CYP7B1: variants seen among roughly 807,000 people sequenced by gnomAD.
CYP7B1 encodes cytochrome P450 family 7 subfamily B member 1.
A neutral mutation model predicts 42.7 loss-of-function variants in CYP7B1; 29 were observed. The ratio of observed to expected loss-of-function variants is 0.68; its 90% CI spans 0.51 to 0.93. The LOEUF (loss-of-function observed/expected upper bound fraction) is 0.93. CYP7B1 is among the 40% of genes least tolerant of loss of function. The probability of loss-of-function intolerance (pLI) is 0.00; values close to 1 mark genes in which losing one functional copy is unlikely to be tolerated. For missense variants in CYP7B1, 655 were observed against 600.5 expected (o/e 1.09, Z -0.95); for synonymous variants, 235 against 218.2 (o/e 1.08, Z -0.68).
chr8:64,658,636 A>G (rs984602716), intron 1 of CYP7B1, among the ~76,000 whole-genome samples: 3 of 152,146 alleles, frequency 2.0e-5, no homozygotes, highest in Non-Finnish European at 4.4e-5. Context: ...TTTTGTGGTC[A>G]TGTTCCCTGG....
chr8:64,656,921 C>T (rs1042233545), intron 1 of CYP7B1, among the ~76,000 whole-genome samples: 3 of 152,122 alleles, frequency 2.0e-5, no homozygotes, highest in African/African-American at 7.2e-5. Flanking sequence ...AAAACCCAAA[C>T]AGTGATAACA....
chr8:64,602,343 G>A (rs940063025), intron 5 of CYP7B1, among the ~76,000 whole-genome samples: 2 of 152,182 alleles, frequency 1.3e-5, no homozygotes, highest in African/African-American at 4.8e-5. Flanking sequence ...CCTGCTGGGT[G>A]CACAAATAAG....
chr8:64,685,180 G>T (rs922434562), intron 1 of CYP7B1, among the ~76,000 whole-genome samples: 4 of 152,014 alleles, frequency 2.6e-5, no homozygotes, highest in South Asian at 2.1e-4. Flanking sequence ...CGCCCGGGAG[G>T]CAGCGGCTGG....
At chr8:64,736,182 G>C (rs774472606) in intron 1 of CYP7B1, among the ~76,000 whole-genome samples, 4 of 152,058 alleles carry the variant, frequency 2.6e-5, no homozygotes, top group Non-Finnish European at 5.9e-5. Context: ...TATAGATCTT[G>C]ATTTTGCCAT....
intron 1 of CYP7B1, among the ~76,000 whole-genome samples, chr8:64,768,481 T>G (rs552000352): frequency 6.6e-6 from 1 of 152,198 alleles, no homozygotes; most frequent in Admixed American, 6.5e-5. Context: ...TTTCCTGTAA[T>G]AATGTTCTGA....
At chr8:64,778,206 C>A (rs372421264) in intron 1 of CYP7B1, among the ~76,000 whole-genome samples, 1 of 115,394 alleles carries the variant, frequency 8.7e-6, no homozygotes, top group African/African-American at 3.1e-5. Context: ...TATATGTATA[C>A]ACACATATAT....
intron 1 of CYP7B1, among the ~76,000 whole-genome samples, chr8:64,667,943 G>GCA: frequency 6.6e-6 from 1 of 152,138 alleles, no homozygotes; most frequent in East Asian, 1.9e-4. Flanking sequence ...TTCATCCTCT[G>GCA]TTGAAATAGT....
intron 1 of CYP7B1, among the ~76,000 whole-genome samples, chr8:64,667,903 C>T (rs184739257): frequency 2.9e-4 from 44 of 152,242 alleles, no homozygotes; most frequent in Middle Eastern, 6.8e-3. Flanking sequence ...TGCAAATTCA[C>T]TTCATTTTAT....
intron 1 of CYP7B1, among the ~76,000 whole-genome samples, chr8:64,756,635 C>T (rs1294665775): frequency 1.3e-5 from 2 of 152,112 alleles, no homozygotes; most frequent in Admixed American, 1.3e-4. Context: ...GAAACCATGC[C>T]CCTGCCCGCT....
At chr8:64,643,188 T>TAGAC (rs1320319761) in intron 1 of CYP7B1, among the ~76,000 whole-genome samples, 1 of 142,170 alleles carries the variant, frequency 7.0e-6, no homozygotes, top group African/African-American at 2.6e-5. Context: ...TATACATATA[T>TAGAC]ATATACACAC....
chr8:64,624,497 A>G lies in CYP7B1; in HGVS notation c.165T>C (p.Tyr55=). 6.2e-7 allele frequency: 1 copy of G among 1,613,846 alleles called. No homozygotes were observed. The highest frequency in any genetic ancestry group is 8.5e-7 in the Non-Finnish European group (1 of 1,179,934). ...EPPLIKGWLP[Y]LGVVLNLRKD... is the part of the protein sequence containing the mutation. ...TTCGTAAGTTCAGGACCACTCCAAG[A>G]TAAGGAAGCCAACCTTTTATCAATG... Residue 55 remains tyrosine, a synonymous_variant, in exon 2 of 6, where the codon TAT becomes TAC. Transcript: ENST00000310193.
intron 1 of CYP7B1, among the ~76,000 whole-genome samples, chr8:64,708,233 AG>A (rs1206927028): frequency 1.3e-5 from 2 of 152,176 alleles, no homozygotes; most frequent in East Asian, 3.8e-4. Flanking sequence ...AAGAAATTTT[AG>A]GATGGTTTCA....
At chr8:64,631,257 C>T (rs371327515) in intron 1 of CYP7B1, among the ~76,000 whole-genome samples, 21 of 152,134 alleles carry the variant, frequency 1.4e-4, no homozygotes, top group Admixed American at 5.9e-4. Context: ...GTGGAATTTA[C>T]GCCAGGTATG....
At chr8:64,669,033 T>C (rs555179079) in intron 1 of CYP7B1, among the ~76,000 whole-genome samples, 2 of 152,262 alleles carry the variant, frequency 1.3e-5, no homozygotes, top group African/African-American at 4.8e-5. Context: ...ATGGGTACCA[T>C]TTTGTAGGTA....
chr8:64,795,211 A>G (rs951851019), intron 1 of CYP7B1, among the ~76,000 whole-genome samples: 1 of 152,248 alleles, frequency 6.6e-6, no homozygotes, highest in Non-Finnish European at 1.5e-5. Context: ...GTTGAGAGAA[A>G]TAAGTTATAC....
chr8:64,764,009 A>G (rs1011721927), intron 1 of CYP7B1, among the ~76,000 whole-genome samples: 2 of 151,924 alleles, frequency 1.3e-5, no homozygotes, highest in Non-Finnish European at 2.9e-5. Context: ...GATCTAAGGA[A>G]GCTCTACACT....
chr8:64,747,233 CATA>C (rs905429357), intron 1 of CYP7B1, among the ~76,000 whole-genome samples: 7 of 147,268 alleles, frequency 4.8e-5, no homozygotes, highest in South Asian at 2.1e-4. Flanking sequence ...TATATATAAA[CATA>C]ATAATATAGT....
intron 2 of CYP7B1, among the ~76,000 whole-genome samples, chr8:64,618,528 T>C (rs1304032482): frequency 6.6e-6 from 1 of 152,006 alleles, no homozygotes; most frequent in Admixed American, 6.6e-5. Flanking sequence ...CATGTTACAA[T>C]TTTTGTTTTG....
intron 1 of CYP7B1, among the ~76,000 whole-genome samples, chr8:64,705,984 C>T (rs1046392941): frequency 3.3e-5 from 5 of 151,900 alleles, no homozygotes; most frequent in African/African-American, 9.7e-5. Flanking sequence ...TGAACTCCAA[C>T]GGGTTATTTT....
Sources: gnomAD v4.1 joint callset for allele counts (sites outside exome capture counted in the v4.1 genomes callset) on GRCh38, gnomAD v4.1.1 for gene constraint, MANE v1.5 for transcripts, NCBI Gene and HGNC (gene_info 2026-07-23, HGNC 2026-07-21) for gene names.